UNC80: variants seen among roughly 807,000 people sequenced by gnomAD.
UNC80 encodes unc-80 subunit of NALCN channel complex.
A neutral mutation model predicts 384.6 loss-of-function variants in UNC80; 164 were observed. The ratio of observed to expected loss-of-function variants is 0.43; its 90% CI spans 0.38 to 0.49. The LOEUF is 0.49. UNC80 is among the 20% of genes least tolerant of loss of function. The pLI, the probability that UNC80 is intolerant of heterozygous loss-of-function variation, is 0.00. For missense variants in UNC80, 3,330 were observed against 4,143.0 expected, an observed-to-expected ratio of 0.80 and a Z score of 5.39; for synonymous variants, 1,486 against 1,527.8, an observed-to-expected ratio of 0.97 and a Z score of 0.64.
Position 209,896,377 on chromosome 2 carries a change from G to A in UNC80, c.4545G>A (p.Ala1515=), listed in dbSNP as rs143838455. 284 of 1,551,574 alleles carry A rather than the reference G, an allele frequency of 1.8e-4. No individual in the cohort carries two copies. In the East Asian group the frequency reaches 5.1e-3, roughly 28 times the overall value. ...IEPEGMSNAG[A]EENYHRNMSW... ...CAGAGGGAATGAGTAATGCCGGCGC[G>A]GAGGAGAATTACCACAGAAACATGT... The change falls in exon 28 of 65, where the codon GCG becomes GCA. Residue 1515 remains alanine, a synonymous_variant. Coordinates refer to ENST00000673920, the MANE Select transcript of UNC80 (RefSeq NM_001371986.1).
intron 63 of UNC80, among the ~76,000 whole-genome samples, chr2:209,993,766 G>A (rs1006209831): frequency 1.3e-5 from 2 of 152,112 alleles, no homozygotes; most frequent in Non-Finnish European, 2.9e-5. Context: ...GAATAATAGG[G>A]ACTTTTAAGT....
chr2:209,959,194 A>G (rs1559396973), intron 50 of UNC80, 40 bp downstream of exon 50: 1 of 1,546,620 alleles, frequency 6.5e-7, no homozygotes, highest in South Asian at 1.2e-5. Flanking sequence ...CAGTTCTGAC[A>G]TCTTGAGATG....
chr2:209,920,272 G>C (rs970055496), intron 33 of UNC80, among the ~76,000 whole-genome samples: 3 of 152,186 alleles, frequency 2.0e-5, no homozygotes, highest in Admixed American at 6.5e-5. Context: ...TACAAATGCA[G>C]CCCTGTAGAA....
rs957646145 is a variant in UNC80, at chr2:209,976,119, C to T, written c.8588C>T (p.Ala2863Val). The T allele has an allele frequency of 7.7e-6, 12 of 1,549,664 alleles. No homozygotes were observed. The highest frequency in any genetic ancestry group is 2.0e-5 in the Admixed American group (1 of 50,452). The change falls in exon 57 of 65, where the codon GCG becomes GTG. Residue 2863 changes from alanine to valine, a missense_variant and splice_region_variant. Coordinates refer to ENST00000673920, the MANE Select transcript of UNC80 (RefSeq NM_001371986.1). The surrounding 1 kb of genome is among the most constrained non-coding windows in gnomAD (Gnocchi z 4.3). Reference sequence around the variant, plus strand: ...ATTTTTCTCTTTTCCCGGTGTGAAGCGCTGAAGGTGATTCTCGTCTGCTTT... The same window carrying T: ...ATTTTTCTCTTTTCCCGGTGTGAAGTGCTGAAGGTGATTCTCGTCTGCTTT... ...AESTSQAAYLALKVILVCFER... is the reference protein window; with the variant it reads ...AESTSQAAYLVLKVILVCFER...
At chr2:209,920,827 C>G (rs1351628913) in intron 33 of UNC80, among the ~76,000 whole-genome samples, 1 of 150,690 alleles carries the variant, frequency 6.6e-6, no homozygotes, top group Non-Finnish European at 1.5e-5. Flanking sequence ...AATAAATGTT[C>G]TTCTTTTTTT....
rs2078500199 is a variant in UNC80, at chr2:209,800,826, T to C, written c.938+6967T>C. ...AATTTCATTATTTACCCAGGAGTCA[T>C]TCAGGAGCAAGTTGTTCAATTTTCA... On this transcript the variant is annotated intron_variant, in intron 7 of 64. Transcript: ENST00000673920. Among the ~76,000 whole-genome samples, 5 of 152,230 alleles carry C rather than the reference T, an allele frequency of 3.3e-5. No individual in the cohort carries two copies. In the South Asian group the frequency reaches 1.0e-3, roughly 31 times the overall value.
At chr2:209,993,977 G>T in intron 63 of UNC80, 88 bp from the exon 64 acceptor site, 1 of 1,160,148 alleles carries the variant, frequency 8.6e-7, no homozygotes, top group Non-Finnish European at 1.2e-6. Flanking sequence ...AAAATCCCCA[G>T]GAGACACTGG....
chr2:209,952,973 T>C (rs1426121665), intron 47 of UNC80, among the ~76,000 whole-genome samples: 3 of 152,172 alleles, frequency 2.0e-5, no homozygotes, highest in Non-Finnish European at 4.4e-5. Context: ...GTATTCAGTA[T>C]TATAAAGAGC....
chr2:209,816,854 A>G (rs1424690169), intron 9 of UNC80, 55 bp from the exon 10 acceptor site: 2 of 1,505,086 alleles, frequency 1.3e-6, no homozygotes, highest in Non-Finnish European at 1.8e-6. Context: ...CTTGGGAAGC[A>G]GATTGTAACC....
intron 22 of UNC80, among the ~76,000 whole-genome samples, chr2:209,865,976 T>C (rs1029511933): frequency 1.3e-5 from 2 of 152,238 alleles, no homozygotes; most frequent in Non-Finnish European, 2.9e-5. Flanking sequence ...GACAATCCTT[T>C]ATAGGTAATC....
chr2:209,803,126 C>A (rs1337659866), intron 7 of UNC80, among the ~76,000 whole-genome samples: 2 of 152,148 alleles, frequency 1.3e-5, no homozygotes, highest in Non-Finnish European at 2.9e-5. Context: ...TATAAGGTAA[C>A]CTAATTATGG....
intron 13 of UNC80, among the ~76,000 whole-genome samples, chr2:209,823,179 A>G (rs1252983971): frequency 6.6e-6 from 1 of 152,172 alleles, no homozygotes; most frequent in Non-Finnish European, 1.5e-5. Flanking sequence ...TTGGAATGTT[A>G]TTTAATATCT....
In UNC80 at chr2:209,971,027, G is replaced by GT. The variant is rs1476689820; in HGVS notation, c.8256+77dup. ...TGAGGCACCAGATCATGGTGTTCTC[G>GT]TTTTTTTCTGCAAAGGCTGGGCAAA... is the stretch of plus-strand genomic sequence containing the variant. On this transcript the variant is annotated intron_variant, in intron 54 of 64. Transcript: ENST00000673920. 2.7e-6 allele frequency: 4 copies of GT among 1,488,620 alleles called. No individual in the cohort carries two copies. In the East Asian group the frequency reaches 1.0e-4, roughly 37 times the overall value. The allele number at this position is 1,488,620 out of a possible 1,614,324, so 92.2% of individuals were successfully genotyped here.
intron 51 of UNC80, among the ~76,000 whole-genome samples, chr2:209,963,441 G>A (rs755610731): frequency 2.6e-5 from 4 of 152,196 alleles, no homozygotes; most frequent in Admixed American, 6.5e-5. Context: ...TTTGTCACAT[G>A]ACCAGGAATT....
chr2:209,986,957 C>T (rs2093302079), intron 61 of UNC80, among the ~76,000 whole-genome samples: 2 of 152,136 alleles, frequency 1.3e-5, no homozygotes, highest in Admixed American at 6.5e-5. Context: ...AAGCTGCAGA[C>T]TCTTAAAATC....
intron 20 of UNC80, among the ~76,000 whole-genome samples, chr2:209,841,188 C>T (rs895632704): frequency 6.6e-6 from 1 of 152,194 alleles, no homozygotes; most frequent in Admixed American, 6.5e-5. Context: ...GTGGTTGCTT[C>T]ATGGCCTGGT....
chr2:209,903,356 A>G (rs2087662850), intron 28 of UNC80, among the ~76,000 whole-genome samples: 1 of 127,544 alleles, frequency 7.8e-6, no homozygotes, highest in Non-Finnish European at 1.6e-5. Flanking sequence ...GTGTGTGGAC[A>G]GTGTGGACTC....
In UNC80 at chr2:209,817,116, A is replaced by G. The variant is rs2079796689; in HGVS notation, c.1543A>G (p.Thr515Ala). The G allele has an allele frequency of 1.9e-6, 3 of 1,551,432 alleles. No individual in the cohort carries two copies. Among genetic ancestry groups the G allele is most frequent in the Non-Finnish European group, 2.6e-6 (3 of 1,146,992 alleles). Residue 515 changes from threonine to alanine, a missense_variant, in exon 10 of 65, where the codon ACC becomes GCC. Thr to Ala is a moderately conservative substitution (Grantham distance 58). Coordinates refer to ENST00000673920, the MANE Select transcript of UNC80 (RefSeq NM_001371986.1). ...RGIEKGGWQT[T>A]ILGKLTRRGS... ...AATTGAGAAAGGAGGCTGGCAAACCACCATTTTAGGTGACCACAAGGCCTT... is the reference window on the plus strand; with the variant it reads ...AATTGAGAAAGGAGGCTGGCAAACCGCCATTTTAGGTGACCACAAGGCCTT...
intron 22 of UNC80, among the ~76,000 whole-genome samples, chr2:209,864,128 TG>T (rs1321329708): frequency 2.0e-5 from 3 of 151,888 alleles, no homozygotes; most frequent in African/African-American, 7.3e-5. Context: ...TGCAGTTTGC[TG>T]GGGCTTCATT....
Sources: allele counts gnomAD v4.1 joint callset (sites outside exome capture counted in the v4.1 genomes callset), GRCh38; gene constraint gnomAD v4.1.1; non-coding constraint Gnocchi (gnomAD v3.1); transcripts MANE v1.5; gene names NCBI Gene and HGNC (gene_info 2026-07-23, HGNC 2026-07-21).